The following PNKD variants were observed in gnomAD, a reference collection of about 807,000 sequenced individuals.
PNKD encodes PNKD metallo-beta-lactamase domain containing, also known as probable thioesterase PNKD.
A neutral mutation model predicts 45.3 loss-of-function variants in PNKD; 36 were observed. The ratio of observed to expected loss-of-function variants is 0.80; its 90% CI spans 0.61 to 1.05. The LOEUF (loss-of-function observed/expected upper bound fraction) is 1.05. PNKD is among the 50% of genes least tolerant of loss of function. The pLI is 0.00. For synonymous variants in PNKD, 197 were observed against 210.1 expected, an observed-to-expected ratio of 0.94 and a Z score of 0.54; for missense variants, 511 against 506.6, an observed-to-expected ratio of 1.01 and a Z score of -0.08.
chr2:218,288,033 G>C (rs1295058561), intron 2 of PNKD, among the ~76,000 whole-genome samples: 1 of 152,232 alleles, frequency 6.6e-6, no homozygotes, highest in African/African-American at 2.4e-5. Flanking sequence ...CACAGTCCCT[G>C]TTCACTTCCT....
rs1034640045 is a variant in PNKD at position 218,340,904 on chromosome 2, T to C, written c.524+118T>C. 3.1e-5 allele frequency: 26 copies of C among 828,836 alleles called. No homozygotes were observed. The African/African-American group carries it at 4.1e-4, about 13-fold the overall frequency. The allele number at this position is 828,836 out of a possible 1,614,324, so 51.3% of individuals were successfully genotyped here. On this transcript the variant is annotated intron_variant, in intron 5 of 9. Transcript: ENST00000273077. The surrounding 1 kb of genome is among the most constrained non-coding windows in gnomAD (Gnocchi z 4.2). ...AAGTCAGTACGGGCCGGCACCCGCC[T>C]TCCTCGTGAAGTCACCTGGACACCA...
chr2:218,277,135 G>T, intron 2 of PNKD: 1 of 1,580,530 alleles, frequency 6.3e-7, no homozygotes, highest in Non-Finnish European at 8.7e-7. Context: ...CTGTCAGATG[G>T]CTGTGACAAC....
chr2:218,288,587 G>A lies in PNKD; in HGVS notation c.236+17038G>A, dbSNP rs908217052. Among the ~76,000 whole-genome samples the A allele has an allele frequency of 3.3e-5, 5 of 152,112 alleles. No homozygotes were observed. In the East Asian group the frequency reaches 5.8e-4, roughly 18 times the overall value. ...CAATCTAAAACATTTTGAGCACCAAGATGACACTCAAAGGAATGCTCACTG... is the reference window on the plus strand; with the variant it reads ...CAATCTAAAACATTTTGAGCACCAAAATGACACTCAAAGGAATGCTCACTG... On this transcript the variant is annotated intron_variant, in intron 2 of 9. Transcript: ENST00000273077.
In PNKD at chr2:218,307,074, C is replaced by T. The variant is rs536308404; in HGVS notation, c.237-32709C>T. Among the ~76,000 whole-genome samples the T allele has an allele frequency of 2.6e-5, 4 of 152,226 alleles. No individual in the cohort carries two copies. The East Asian group carries it at 5.8e-4, about 22-fold the overall frequency. On this transcript the variant is annotated intron_variant, in intron 2 of 9. Transcript: ENST00000273077. ...AATCATCTGGAAACACAGATGATGC[C>T]GTTGGCCAAGTTGGCAGACCTGAAG...
intron 2 of PNKD, among the ~76,000 whole-genome samples, chr2:218,310,976 C>T (rs115205379): frequency 3.3e-5 from 5 of 152,100 alleles, no homozygotes; most frequent in Non-Finnish European, 7.3e-5. Context: ...AGTAACATGC[C>T]GTGCAGGTTT....
rs139193832 is a variant in PNKD at position 218,344,891 on chromosome 2, G to A, written c.1068G>A (p.Pro356=). ...TGGCGCTACAGGAGGCTCTGGGGCCGGGGCCGGGCCCCACTGGGGATGATG... is the reference window on the plus strand; with the variant it reads ...TGGCGCTACAGGAGGCTCTGGGGCCAGGGCCGGGCCCCACTGGGGATGATG... The part of the protein sequence containing the change: ...HCLALQEALG[P]GPGPTGDDDY... Residue 356 remains proline (P), a synonymous_variant, in exon 10 of 10, where the codon CCG becomes CCA. Coordinates refer to ENST00000273077, the MANE Select transcript of PNKD (RefSeq NM_015488.5). 1.2e-4 allele frequency: 188 copies of A among 1,613,334 alleles called. 1 individual carries two copies. The highest frequency in any genetic ancestry group is 2.0e-4 in the Admixed American group (12 of 60,008).
chr2:218,271,833 T>G (rs1341367800), intron 2 of PNKD, among the ~76,000 whole-genome samples: 1 of 152,134 alleles, frequency 6.6e-6, no homozygotes, highest in African/African-American at 2.4e-5. Context: ...AGACCCAAGT[T>G]TAAGTAAGTA....
At chr2:218,304,012 C>T (rs954543103) in intron 2 of PNKD, among the ~76,000 whole-genome samples, 3 of 152,184 alleles carry the variant, frequency 2.0e-5, no homozygotes, top group African/African-American at 7.2e-5. Context: ...CTGAGTTTGG[C>T]AGTGGAGCTC....
In PNKD at chr2:218,335,562, G is replaced by A. The variant is rs144031720; in HGVS notation, c.237-4221G>A. On this transcript the variant is annotated intron_variant, in intron 2 of 9. Coordinates refer to ENST00000273077, the MANE Select transcript of PNKD (RefSeq NM_015488.5). ...ACAGTGAGTTTGCCTTGCTCAGTGT[G>A]TGTTCAGTGCCTGGCCAATAGCAAG... Among the ~76,000 whole-genome samples the A allele has an allele frequency of 2.6e-5, 4 of 151,626 alleles. 1 individual carries two copies. The highest frequency in any genetic ancestry group is 2.6e-4 in the Admixed American group (4 of 15,172).
chr2:218,282,332 C>A (rs975705755), intron 2 of PNKD: 7 of 506,838 alleles, frequency 1.4e-5, no homozygotes, highest in African/African-American at 1.0e-4. Context: ...TTGCTGTCCA[C>A]AGGCCACCTC....
chr2:218,340,015 A>G lies in PNKD; in HGVS notation c.353-14A>G, dbSNP rs1049129611. On this transcript the variant is annotated splice_polypyrimidine_tract_variant and intron_variant, in intron 3 of 9. Coordinates refer to ENST00000273077, the MANE Select transcript of PNKD (RefSeq NM_015488.5). This position sits in a 1 kb window ranked among gnomAD's most constrained non-coding sequence, Gnocchi z 4.2. ...CTGCCTGTTACCCCGCCCACAGCCC[A>G]TCTCTGTCCCCAGGAGTGAAGGTGC... 3 of 1,584,750 alleles carry G rather than the reference A, an allele frequency of 1.9e-6. No individual in the cohort carries two copies. The African/African-American group carries it at 4.1e-5, about 21-fold the overall frequency.
In PNKD at chr2:218,297,896, G is replaced by A. The variant is rs374983551; in HGVS notation, c.236+26347G>A. Reference sequence around the variant, plus strand: ...GCCTGTGGTCCCAGCTACTCAGGAGGCTGAGGCAGGAGAATGGCATGAACC... The same window carrying A: ...GCCTGTGGTCCCAGCTACTCAGGAGACTGAGGCAGGAGAATGGCATGAACC... On this transcript the variant is annotated intron_variant, in intron 2 of 9. Coordinates refer to ENST00000273077, the MANE Select transcript of PNKD (RefSeq NM_015488.5). Among the ~76,000 whole-genome samples the A allele has an allele frequency of 1.2e-4, 18 of 150,626 alleles. No individual in the cohort carries two copies. In the East Asian group the frequency reaches 2.3e-3, roughly 20 times the overall value.
intron 2 of PNKD, chr2:218,279,439 ACTCAAGAACC>A (rs1691632636): frequency 4.0e-6 from 5 of 1,257,862 alleles, no homozygotes; most frequent in Admixed American, 2.7e-5. Flanking sequence ...CTTTCCTCCC[ACTCAAGAACC>A]CTCCCTAGCT....
intron 2 of PNKD, among the ~76,000 whole-genome samples, chr2:218,306,677 C>T (rs1693416250): frequency 1.3e-5 from 2 of 152,178 alleles, no homozygotes; most frequent in Non-Finnish European, 2.9e-5. Flanking sequence ...AACCCGATTC[C>T]ACTCCCTCCC....
chr2:218,302,997 T>C (rs972273349), intron 2 of PNKD, among the ~76,000 whole-genome samples: 1 of 152,166 alleles, frequency 6.6e-6, no homozygotes, highest in Non-Finnish European at 1.5e-5. Context: ...TGGAGTGCAG[T>C]TGTGCCATCT....
rs61429059 is a variant in PNKD, at chr2:218,315,057, T to TCTTTCTTTTCTTTCTTC, written c.237-24723_237-24722insTCTTTTCTTTCTTCCTT. 7.2e-5 allele frequency among the ~76,000 whole-genome samples: 4 copies of TCTTTCTTTTCTTTCTTC among 55,544 alleles called. No individual in the cohort carries two copies. In the South Asian group the frequency reaches 2.6e-3, roughly 36 times the overall value. 36.4% of individuals were successfully genotyped at this position (55,544 alleles called of 152,430 possible). A position where few individuals can be genotyped will look rare whatever the true frequency, so the allele number is the denominator to read the frequency against. ...CTTTCTTTTTCTTTCTTTCTTTCTTTCTTCCTTCCTTCCTTCCTTTCTTTC... is the reference window on the plus strand; with the variant it reads ...CTTTCTTTTTCTTTCTTTCTTTCTTTCTTTCTTTTCTTTCTTCCTTCCTTCCTTCCTTCCTTTCTTTC... On this transcript the variant is annotated intron_variant, in intron 2 of 9. Coordinates refer to ENST00000273077, the MANE Select transcript of PNKD (RefSeq NM_015488.5).
In PNKD at chr2:218,292,135, G is replaced by A. The variant is rs534324271; in HGVS notation, c.236+20586G>A. Among the ~76,000 whole-genome samples, 14 of 152,270 alleles carry A rather than the reference G, an allele frequency of 9.2e-5. No individual in the cohort carries two copies. In the South Asian group the frequency reaches 1.2e-3, roughly 14 times the overall value. On this transcript the variant is annotated intron_variant, in intron 2 of 9. Coordinates refer to ENST00000273077, the MANE Select transcript of PNKD (RefSeq NM_015488.5). The stretch of plus-strand genomic sequence containing the variant: ...GGCTGGCATGGTGGATAGGCCCTGC[G>A]ACAGAGAGGCCACTCGTGCCCGAAA...
rs964912181 is a variant in PNKD, at chr2:218,300,252, A to C, written c.236+28703A>C. On this transcript the variant is annotated intron_variant, in intron 2 of 9. Coordinates refer to ENST00000273077, the MANE Select transcript of PNKD (RefSeq NM_015488.5). Reference sequence around the variant, plus strand: ...TCCTGACTGATCTCGCTTTAAGTTCATGCACACTAACTTGTCCATTCATAC... The same window carrying C: ...TCCTGACTGATCTCGCTTTAAGTTCCTGCACACTAACTTGTCCATTCATAC... Among the ~76,000 whole-genome samples the C allele has an allele frequency of 3.3e-5, 5 of 152,302 alleles. No individual in the cohort carries two copies. In the South Asian group the frequency reaches 1.0e-3, roughly 32 times the overall value.
In PNKD at chr2:218,345,113, C is replaced by G; in HGVS notation, c.*132C>G. The G allele has an allele frequency of 1.4e-6, 1 of 701,592 alleles. No individual in the cohort carries two copies. Among genetic ancestry groups the G allele is most frequent in the South Asian group, 1.9e-5 (1 of 53,864 alleles). 43.5% of individuals were successfully genotyped at this position (701,592 alleles called of 1,614,324 possible). ...AAGCGGGCATCATCCCCCCACACTG[C>G]TCAGGGGAGGGGAGGGATCAGGCGA... On this transcript the variant is annotated 3_prime_UTR_variant, in exon 10 of 10. Transcript: ENST00000273077.
Sources: gnomAD v4.1 joint callset for allele counts (sites outside exome capture counted in the v4.1 genomes callset) on GRCh38, gnomAD v4.1.1 for gene constraint, Gnocchi (gnomAD v3.1) non-coding constraint, MANE v1.5 for transcripts, NCBI Gene and HGNC (gene_info 2026-07-23, HGNC 2026-07-21) for gene names.